RELB: variants seen among roughly 807,000 people sequenced by gnomAD.
The protein encoded by RELB is RELB proto-oncogene, NF-kB subunit.
In RELB, 14 loss-of-function variants were observed where a neutral mutation model predicts 55.4. That is an observed-to-expected ratio of 0.25 (90% CI 0.17 to 0.40). RELB has a LOEUF of 0.40. Ranked by LOEUF, RELB falls within the 10% of genes least tolerant of loss-of-function variation. The pLI is 1.00. For synonymous variants in RELB, 409 were observed against 371.3 expected (o/e 1.10, Z -1.17); for missense variants, 669 against 830.7 (o/e 0.81, Z 2.39).
At chr19:45,002,260 T>G (rs1600058307) in intron 1 of RELB, among the ~76,000 whole-genome samples, 1 of 148,918 alleles carries the variant, frequency 6.7e-6, no homozygotes. Context: ...GAGGAGGGGG[T>G]GGGGCTTGCC....
intron 8 of RELB, among the ~76,000 whole-genome samples, chr19:45,031,436 T>C (rs1268447277): frequency 1.3e-5 from 2 of 152,016 alleles, no homozygotes; most frequent in African/African-American, 4.8e-5. Context: ...GGCACCTTTT[T>C]TCTCTGCTGA....
chr19:45,034,576 G>C, intron 11 of RELB, 48 bp downstream of exon 11: 1 of 1,509,564 alleles, frequency 6.6e-7, no homozygotes, highest in Non-Finnish European at 9.0e-7. Context: ...TGGGCAGAGG[G>C]TAAGTGGCAG....
chr19:45,027,566 G>A lies in RELB; in HGVS notation c.887-1322G>A, dbSNP rs574698656. Among the ~76,000 whole-genome samples the A allele has an allele frequency of 2.0e-5, 3 of 152,138 alleles. No homozygotes were observed. The East Asian group carries it at 5.8e-4, about 29-fold the overall frequency. On this transcript the variant is annotated intron_variant, in intron 7 of 11. Transcript: ENST00000221452. ...TGGTTTTGGTCATTTGCTCCTTTTTGACAAATCAGCTTTGGCCAGAGGGAT... is the reference window on the plus strand; with the variant it reads ...TGGTTTTGGTCATTTGCTCCTTTTTAACAAATCAGCTTTGGCCAGAGGGAT...
chr19:45,019,923 C>T (rs1158973785), intron 4 of RELB, among the ~76,000 whole-genome samples: 1 of 150,974 alleles, frequency 6.6e-6, no homozygotes, highest in Non-Finnish European at 1.5e-5. Context: ...TTGATCCACC[C>T]ACCTCGGCCT....
chr19:45,029,637 G>A (rs891791842), intron 8 of RELB, among the ~76,000 whole-genome samples: 3 of 151,838 alleles, frequency 2.0e-5, no homozygotes, highest in Non-Finnish European at 4.4e-5. Flanking sequence ...ATCACCTGAG[G>A]TCAGGAGTTC....
At chr19:45,012,310 C>G (rs781375085) in intron 4 of RELB, 34 bp downstream of exon 4, 1 of 1,313,716 alleles carries the variant, frequency 7.6e-7, no homozygotes, top group Non-Finnish European at 9.8e-7. Flanking sequence ...GCGGGTGGGA[C>G]TGGGGCTTCC....
At chr19:45,017,048 C>T (rs894935141) in intron 4 of RELB, among the ~76,000 whole-genome samples, 4 of 152,130 alleles carry the variant, frequency 2.6e-5, no homozygotes, top group South Asian at 2.1e-4. Flanking sequence ...TGTCTACTTG[C>T]GGTAGGGTCC....
intron 5 of RELB, among the ~76,000 whole-genome samples, chr19:45,024,393 ACCTCCTGATCTGC>A (rs1271303580): frequency 6.6e-6 from 1 of 150,498 alleles, no homozygotes; most frequent in East Asian, 2.0e-4. Context: ...CGATCTCCTG[ACCTCCTGATCTGC>A]CCGTATCGGC....
At chr19:45,006,455 C>T (rs1433814037) in intron 2 of RELB, among the ~76,000 whole-genome samples, 6 of 151,588 alleles carry the variant, frequency 4.0e-5, no homozygotes, top group South Asian at 2.1e-4. Context: ...CCAGCCACCT[C>T]GGCCTCTCAA....
At chr19:45,003,906 GTTTTTTGTGTTTTTTTT>G (rs1284816320) in intron 2 of RELB, among the ~76,000 whole-genome samples, 48 of 62,532 alleles carry the variant, frequency 7.7e-4, no homozygotes, top group African/African-American at 2.4e-3. Flanking sequence ...TTTTTTGTCT[GTTTTTTGTGTTTTTTTT>G]TTTTTTTTTT....
intron 3 of RELB, 130 bp downstream of exon 3, chr19:45,009,952 G>A (rs1971328877): frequency 2.1e-6 from 2 of 945,096 alleles, no homozygotes; most frequent in Middle Eastern, 2.8e-4. Flanking sequence ...ACTGTGGAGG[G>A]ATTTGAACGA....
At chr19:45,016,415 G>A (rs1475020325) in intron 4 of RELB, among the ~76,000 whole-genome samples, 1 of 152,212 alleles carries the variant, frequency 6.6e-6, no homozygotes, top group African/African-American at 2.4e-5. Flanking sequence ...GCAGTTGTTT[G>A]TGACTATATA....
intron 7 of RELB, among the ~76,000 whole-genome samples, chr19:45,028,532 C>T (rs1019178779): frequency 6.6e-6 from 1 of 151,992 alleles, no homozygotes; most frequent in Admixed American, 6.6e-5. Context: ...CAGGGTTTCA[C>T]CATGTTGGCC....
In RELB at chr19:45,012,044, G is replaced by A. The variant is rs1205039087; in HGVS notation, c.272G>A (p.Ser91Asn). Residue 91 changes from serine (S) to asparagine (N), a missense_variant, in exon 4 of 12, where the codon AGC becomes AAC. Physicochemically the swap from Ser to Asn is conservative, Grantham distance 46. Around this residue, in one of 3 missense-constraint regions of RELB, gnomAD observed 323 missense variants for 368.5 expected, o/e 0.88. Transcript: ENST00000221452. ...RLVSRGAASLSTVTLGPVAPP... is the reference protein window; with the variant it reads ...RLVSRGAASLNTVTLGPVAPP... ...GTGTCTCGCGGGGCTGCGTCCCTGA[G>A]CACGGTCACCCTGGGCCCTGTGGCG... The A allele has an allele frequency of 6.4e-7, 1 of 1,568,914 alleles. No individual in the cohort carries two copies. Among genetic ancestry groups the A allele is most frequent in the Non-Finnish European group, 8.6e-7 (1 of 1,160,618 alleles).
chr19:45,038,192 C>G lies in RELB; in HGVS notation c.*402C>G, dbSNP rs557043402. On this transcript the variant is annotated 3_prime_UTR_variant, in exon 12 of 12. Coordinates refer to ENST00000221452, the MANE Select transcript of RELB (RefSeq NM_006509.4). ...TCCCAATAAAGATGAGTTTTTGAGC[C>G]TCCGGGGTTTCGTCTGTTCTGGGCT... is the stretch of plus-strand genomic sequence containing the variant. The G allele has an allele frequency of 8.3e-5, 14 of 168,438 alleles. No individual in the cohort carries two copies. The highest frequency in any genetic ancestry group is 1.4e-4 in the Non-Finnish European group (11 of 79,296). 10.4% of individuals were successfully genotyped at this position (168,438 alleles called of 1,614,324 possible).
At chr19:45,004,724 G>T (rs1189272733) in intron 2 of RELB, among the ~76,000 whole-genome samples, 1 of 151,614 alleles carries the variant, frequency 6.6e-6, no homozygotes, top group Non-Finnish European at 1.5e-5. Flanking sequence ...AAAATTAGCT[G>T]GGCGTGGTGG....
At chr19:45,025,831 G>C in intron 7 of RELB, 94 bp downstream of exon 7, 2 of 1,481,198 alleles carry the variant, frequency 1.4e-6, no homozygotes, top group South Asian at 1.2e-5. Flanking sequence ...AGGCGCTGTG[G>C]CTCACGCCTG....
intron 5 of RELB, among the ~76,000 whole-genome samples, chr19:45,023,603 AT>A (rs1003220803): frequency 6.8e-6 from 1 of 147,290 alleles, no homozygotes. Flanking sequence ...ACACCCGGCT[AT>A]TTTTTTTGTA....
chr19:45,027,362 G>A (rs551216105), intron 7 of RELB, among the ~76,000 whole-genome samples: 17 of 152,186 alleles, frequency 1.1e-4, no homozygotes, highest in African/African-American at 4.1e-4. Flanking sequence ...GCTGCATCCA[G>A]GGCCTCAGTG....
Sources: gnomAD v4.1 joint callset for allele counts (sites outside exome capture counted in the v4.1 genomes callset) on GRCh38, gnomAD v4.1.1 for gene constraint, gnomAD v4.1.1 regional missense constraint, MANE v1.5 for transcripts, NCBI Gene and HGNC (gene_info 2026-07-23, HGNC 2026-07-21) for gene names.